MACROD2: variants seen among roughly 807,000 people sequenced by gnomAD.
The protein encoded by MACROD2 is mono-ADP ribosylhydrolase 2, also known as ADP-ribose glycohydrolase MACROD2.
MACROD2 carries 36 observed loss-of-function variants against 70.4 expected under a neutral mutation model. The ratio of observed to expected loss-of-function variants is 0.51; its 90% confidence interval spans 0.39 to 0.68. MACROD2 has a LOEUF of 0.68. Ranked by LOEUF, MACROD2 falls within the 30% of genes least tolerant of loss-of-function variation. MACROD2 has a pLI of 0.00. For missense variants in MACROD2, 496 were observed against 538.4 expected (o/e 0.92, Z 0.78); for synonymous variants, 172 against 178.8 (o/e 0.96, Z 0.30).
chr20:15,499,739 C>T (rs556768653), intron 7 of MACROD2, 35 bp from the exon 8 acceptor site: 23 of 1,605,442 alleles, frequency 1.4e-5, no homozygotes, highest in Admixed American at 1.2e-4. Flanking sequence ...CTTCATCTTT[C>T]GTTGTTCATT....
rs555598785 is a variant in MACROD2 at position 14,673,104 on chromosome 20, G to C, written c.302-11739G>C. On this transcript the variant is annotated intron_variant, in intron 4 of 17. Transcript: ENST00000684519. ...GAAATCCTACTTGTCATTGAGTTCAGTTCCAGTTCCAGTTAATATTGCTTG... is the reference window on the plus strand; with the variant it reads ...GAAATCCTACTTGTCATTGAGTTCACTTCCAGTTCCAGTTAATATTGCTTG... 2.0e-5 allele frequency among the ~76,000 whole-genome samples: 3 copies of C among 152,284 alleles called. No homozygotes were observed. The South Asian group carries it at 6.2e-4, about 32-fold the overall frequency.
At chr20:14,129,062 TTTA>T (rs1322471687) in intron 3 of MACROD2, among the ~76,000 whole-genome samples, 5 of 152,044 alleles carry the variant, frequency 3.3e-5, no homozygotes, top group African/African-American at 1.2e-4. Flanking sequence ...ACTTTTAAGT[TTTA>T]TTATCTAAGA....
chr20:14,187,979 C>T (rs187145912), intron 3 of MACROD2, among the ~76,000 whole-genome samples: 1 of 152,244 alleles, frequency 6.6e-6, no homozygotes, highest in East Asian at 1.9e-4. Context: ...TGATACTCAG[C>T]ACAAAGGTAA....
intron 5 of MACROD2, among the ~76,000 whole-genome samples, chr20:15,131,945 A>G (rs915777111): frequency 4.6e-5 from 7 of 152,064 alleles, no homozygotes; most frequent in African/African-American, 1.2e-4. Flanking sequence ...TTGAGTTACT[A>G]CATGAAAAAA....
At chr20:14,796,276 G>A (rs976416077) in intron 5 of MACROD2, among the ~76,000 whole-genome samples, 6 of 152,058 alleles carry the variant, frequency 3.9e-5, no homozygotes, top group African/African-American at 1.4e-4. Flanking sequence ...TCTCCTGTTT[G>A]ATCTCTTAGG....
intron 4 of MACROD2, among the ~76,000 whole-genome samples, chr20:14,617,002 T>G (rs998515730): frequency 2.6e-5 from 4 of 152,142 alleles, no homozygotes; most frequent in African/African-American, 7.2e-5. Context: ...GCAAAGAAAT[T>G]TCAATTTAGA....
intron 6 of MACROD2, among the ~76,000 whole-genome samples, chr20:15,427,756 G>T (rs993742103): frequency 6.6e-6 from 1 of 152,188 alleles, no homozygotes; most frequent in Non-Finnish European, 1.5e-5. Flanking sequence ...TCTGGGTGAG[G>T]TGGCTTTTTA....
chr20:15,599,117 A>G (rs2048783522), intron 8 of MACROD2, among the ~76,000 whole-genome samples: 1 of 152,128 alleles, frequency 6.6e-6, no homozygotes, highest in Non-Finnish European at 1.5e-5. Context: ...GTGGTGGCTC[A>G]TGCCTGTAAT....
At chr20:15,908,617 C>G (rs1435753449) in intron 10 of MACROD2, among the ~76,000 whole-genome samples, 2 of 152,212 alleles carry the variant, frequency 1.3e-5, no homozygotes, top group Non-Finnish European at 2.9e-5. Flanking sequence ...CAACTACAGT[C>G]TTTCTTTATG....
intron 5 of MACROD2, among the ~76,000 whole-genome samples, chr20:14,882,997 T>G (rs901034024): frequency 6.6e-6 from 1 of 152,150 alleles, no homozygotes. Flanking sequence ...TGTTTGGAAT[T>G]AATTCATCTT....
At chr20:14,153,723 A>G (rs2146736) in intron 3 of MACROD2, among the ~76,000 whole-genome samples, 80,216 of 152,086 alleles carry the variant, frequency 0.53, 22,883 homozygotes, top group Non-Finnish European at 0.62. Flanking sequence ...GAAAATAATC[A>G]TATTAAGTTG....
Position 14,447,282 on chromosome 20 carries a change from T to G in MACROD2, c.272-46197T>G, listed in dbSNP as rs546552065. ...ATTCACCTGCCTCAGCCTCCCAAAGTGCTGGGATTACAGGCGTGAGCCACT... is the reference window on the plus strand; with the variant it reads ...ATTCACCTGCCTCAGCCTCCCAAAGGGCTGGGATTACAGGCGTGAGCCACT... On this transcript the variant is annotated intron_variant, in intron 3 of 17. Transcript: ENST00000684519. Among the ~76,000 whole-genome samples the G allele has an allele frequency of 8.5e-5, 13 of 152,254 alleles. No individual in the cohort carries two copies. The South Asian group carries it at 1.7e-3, about 19-fold the overall frequency.
chr20:14,269,531 A>G (rs1470623814), intron 3 of MACROD2, among the ~76,000 whole-genome samples: 3 of 152,314 alleles, frequency 2.0e-5, no homozygotes, highest in Non-Finnish European at 4.4e-5. Context: ...AACATAAATA[A>G]GAAGTATTTT....
At chr20:14,894,022 G>A (rs2073796460) in intron 5 of MACROD2, 1 of 152,034 alleles carries the variant, frequency 6.6e-6, no homozygotes, top group Non-Finnish European at 1.5e-5. Flanking sequence ...CTCAGCTCAA[G>A]CAATCCTCTT....
rs1316979688 is a variant in MACROD2, at chr20:15,356,854, C to A, written c.541-74551C>A. Among the ~76,000 whole-genome samples the A allele has an allele frequency of 2.0e-5, 3 of 152,242 alleles. No homozygotes were observed. In the South Asian group the frequency reaches 6.2e-4, roughly 32 times the overall value. ...AAAATAATGATAATTTGTCCTGTAG[C>A]CAAATACTGTTAATTCAGGTTACCT... On this transcript the variant is annotated intron_variant, in intron 6 of 17. Coordinates refer to ENST00000684519, the MANE Select transcript of MACROD2 (RefSeq NM_001351661.2).
intron 3 of MACROD2, among the ~76,000 whole-genome samples, chr20:14,362,262 G>A (rs934877762): frequency 2.0e-5 from 3 of 152,272 alleles, no homozygotes; most frequent in South Asian, 4.1e-4. Flanking sequence ...AGTGAGACAG[G>A]TACTTTTATT....
chr20:14,873,061 G>GTC (rs2073508024), intron 5 of MACROD2, among the ~76,000 whole-genome samples: 1 of 152,042 alleles, frequency 6.6e-6, no homozygotes, highest in Non-Finnish European at 1.5e-5. Flanking sequence ...GAAGAATATG[G>GTC]AGATTACAAT....
chr20:14,110,958 C>T (rs1292968941), intron 3 of MACROD2, among the ~76,000 whole-genome samples: 1 of 151,930 alleles, frequency 6.6e-6, no homozygotes, highest in African/African-American at 2.4e-5. Flanking sequence ...GGAAGAATCA[C>T]TTTACCTGAC....
At chr20:14,949,032 G>A (rs2074455237) in intron 5 of MACROD2, among the ~76,000 whole-genome samples, 1 of 152,010 alleles carries the variant, frequency 6.6e-6, no homozygotes, top group Admixed American at 6.6e-5. Context: ...GAAATGAAAG[G>A]TTAATAGTCA....
Sources: allele counts gnomAD v4.1 joint callset (sites outside exome capture counted in the v4.1 genomes callset), GRCh38; gene constraint gnomAD v4.1.1; transcripts MANE v1.5; gene names NCBI Gene and HGNC (gene_info 2026-07-23, HGNC 2026-07-21).